The following MMP28 variants were observed in gnomAD, a reference collection of about 807,000 sequenced individuals.
The protein encoded by MMP28 is matrix metallopeptidase 28, also known as matrix metalloproteinase-28.
MMP28 carries 55 observed loss-of-function variants against 60.5 expected under a neutral mutation model. That is an observed-to-expected ratio of 0.91 (90% CI 0.73 to 1.14). MMP28 has a LOEUF of 1.14. Ranked by LOEUF, MMP28 falls within the 50% of genes most tolerant of loss-of-function variation. The probability of loss-of-function intolerance (pLI) is 0.00; values close to 1 mark genes in which losing one functional copy is unlikely to be tolerated. For missense variants in MMP28, 686 were observed against 738.3 expected (o/e 0.93, Z 0.82); for synonymous variants, 318 against 312.5 (o/e 1.02, Z -0.18).
rs1555603361 is a variant in MMP28, at chr17:35,766,675, G to A, written c.1388C>T (p.Pro463Leu). The change falls in exon 8 of 8, where the codon CCT (proline) becomes CTT (leucine). Residue 463 changes from proline to leucine, a missense_variant. Transcript: ENST00000605424. The surrounding 1 kb of genome is among the most constrained non-coding windows in gnomAD (Gnocchi z 4.3). ...CGGCAGGGCGCCGCTGACCTCCTCA[G>A]GGATGCCTCCCCAGTCCTGCAGACT... ...PRSLQDWGGI[P>L]EEVSGALPRP... 6.2e-7 allele frequency: 1 copy of A among 1,609,810 alleles called. No individual in the cohort carries two copies. The highest frequency in any genetic ancestry group is 1.1e-5 in the South Asian group (1 of 90,682).
In MMP28 at chr17:35,795,542, C is replaced by G. The variant is rs576335046; in HGVS notation, c.-165G>C. The G allele has an allele frequency of 1.4e-5, 6 of 427,540 alleles. No individual in the cohort carries two copies. Among genetic ancestry groups the G allele is most frequent in the South Asian group, 1.9e-4 (2 of 10,538 alleles). 26.5% of individuals were successfully genotyped at this position (427,540 alleles called of 1,614,324 possible). On this transcript the variant is annotated 5_prime_UTR_variant, in exon 1 of 8. Transcript: ENST00000605424. Reference sequence around the variant, plus strand: ...CAGTGCCCTAGCTGCGCGCTCTGGGCCGCTCCTCCGCTGCCCTTCGCCGGG... The same window carrying G: ...CAGTGCCCTAGCTGCGCGCTCTGGGGCGCTCCTCCGCTGCCCTTCGCCGGG...
chr17:35,779,380 C>A (rs1555608731), intron 1 of MMP28, 57 bp from the exon 2 acceptor site: 13 of 1,420,718 alleles, frequency 9.2e-6, no homozygotes, highest in African/African-American at 1.4e-5. Flanking sequence ...TCCCTTGGTC[C>A]CCAAGGGCCC....
intron 1 of MMP28, among the ~76,000 whole-genome samples, chr17:35,783,813 T>G (rs2086574234): frequency 6.6e-6 from 1 of 151,928 alleles, no homozygotes; most frequent in Non-Finnish European, 1.5e-5. Flanking sequence ...CAGGGGTCCC[T>G]CAGAGGGGAA....
intron 1 of MMP28, among the ~76,000 whole-genome samples, chr17:35,785,009 C>T (rs904227069): frequency 1.6e-4 from 24 of 152,272 alleles, no homozygotes; most frequent in African/African-American, 5.5e-4. Context: ...TGCCAACATG[C>T]CTTACCCCCT....
intron 1 of MMP28, among the ~76,000 whole-genome samples, chr17:35,780,449 T>G (rs2086465000): frequency 6.6e-6 from 1 of 152,230 alleles, no homozygotes; most frequent in South Asian, 2.1e-4. Flanking sequence ...CTTGACTCTC[T>G]AAAAGATGTA....
chr17:35,783,480 G>A (rs2086564097), intron 1 of MMP28, among the ~76,000 whole-genome samples: 1 of 152,158 alleles, frequency 6.6e-6, no homozygotes, highest in Non-Finnish European at 1.5e-5. Flanking sequence ...CTTTCCTTTG[G>A]GGAGGATGGA....
At chr17:35,791,651 T>C (rs1360941379) in intron 1 of MMP28, among the ~76,000 whole-genome samples, 1 of 152,232 alleles carries the variant, frequency 6.6e-6, no homozygotes, top group Non-Finnish European at 1.5e-5. Context: ...TCATGGTGCT[T>C]ACACCTAAAG....
At chr17:35,764,112 A>T (rs782094631), downstream of MMP28, 187 of 1,550,130 alleles carry the variant, frequency 1.2e-4, no homozygotes, top group Non-Finnish European at 1.6e-4. Context: ...GAGGACAACC[A>T]GAGGCCGCTG....
intron 1 of MMP28, among the ~76,000 whole-genome samples, chr17:35,794,128 T>C (rs2086894413): frequency 6.6e-6 from 1 of 151,462 alleles, no homozygotes; most frequent in Non-Finnish European, 1.5e-5. Context: ...CCTGTTCATA[T>C]CCCTTCTCCT....
intron 1 of MMP28, among the ~76,000 whole-genome samples, chr17:35,790,106 G>GCCCAGGCTGAAGT (rs1196884128): frequency 4.6e-5 from 5 of 109,570 alleles, no homozygotes; most frequent in Non-Finnish European, 8.5e-5. Flanking sequence ...TCGCTCTGTT[G>GCCCAGGCTGAAGT]CCCAGGCTGA....
At chr17:35,772,375 G>A (rs921680474) in intron 4 of MMP28, among the ~76,000 whole-genome samples, 2 of 152,218 alleles carry the variant, frequency 1.3e-5, no homozygotes, top group African/African-American at 4.8e-5. Context: ...ATAAGTGCAT[G>A]TGTGCACTAC....
rs534137341 is a variant in MMP28 at position 35,768,147 on chromosome 17, C to T, written c.1000+83G>A. On this transcript the variant is annotated intron_variant, in intron 6 of 7. Coordinates refer to ENST00000605424, the MANE Select transcript of MMP28 (RefSeq NM_024302.5). The stretch of plus-strand genomic sequence containing the variant: ...GGATTTCTGGCTTTTACAGTCCATC[C>T]CCCCAACTTGTACTGCAGCTCTGGA... The T allele has an allele frequency of 1.3e-5, 19 of 1,488,468 alleles. No individual in the cohort carries two copies. In the South Asian group the frequency reaches 2.1e-4, roughly 17 times the overall value. The allele number at this position is 1,488,468 out of a possible 1,614,324, so 92.2% of individuals were successfully genotyped here. A position where few individuals can be genotyped will look rare whatever the true frequency, so the allele number is the denominator to read the frequency against.
At chr17:35,785,371 A>G (rs940412015) in intron 1 of MMP28, among the ~76,000 whole-genome samples, 1 of 152,138 alleles carries the variant, frequency 6.6e-6, no homozygotes, top group Non-Finnish European at 1.5e-5. Flanking sequence ...TCCTGGTACT[A>G]TGGCTAACTT....
At chr17:35,759,428 G>T (rs781875923) in intron 2 of MMP28, among the ~76,000 whole-genome samples, 1 of 152,294 alleles carries the variant, frequency 6.6e-6, no homozygotes, top group East Asian at 1.9e-4. Flanking sequence ...CTGGCTGGGC[G>T]CAGTGGCTCA....
At chr17:35,774,273 T>C (rs2086259961) in intron 3 of MMP28, among the ~76,000 whole-genome samples, 1 of 152,150 alleles carries the variant, frequency 6.6e-6, no homozygotes, top group Non-Finnish European at 1.5e-5. Flanking sequence ...GATCCCGAGT[T>C]TCTTGTGGGC....
intron 1 of MMP28, among the ~76,000 whole-genome samples, chr17:35,792,765 G>C (rs1340291892): frequency 2.6e-5 from 4 of 152,176 alleles, no homozygotes; most frequent in Admixed American, 2.0e-4. Context: ...CTAAAGTAAT[G>C]ATAAAGGTAA....
intron 1 of MMP28, among the ~76,000 whole-genome samples, chr17:35,794,719 T>A (rs1055387288): frequency 6.6e-6 from 1 of 152,202 alleles, no homozygotes. Flanking sequence ...AAGCCCCGTT[T>A]AAAGCTCCTT....
In MMP28 at chr17:35,795,631, G is replaced by T; in HGVS notation, c.-254C>A. On this transcript the variant is annotated 5_prime_UTR_variant, in exon 1 of 8. Transcript: ENST00000605424. ...CGCGGGTCCGCCGGCCCCGGGGACCGAGGGAGGGAGGAAGGAAAGGCAGGC... is the reference window on the plus strand; with the variant it reads ...CGCGGGTCCGCCGGCCCCGGGGACCTAGGGAGGGAGGAAGGAAAGGCAGGC... 1 of 340,706 alleles carries T rather than the reference G, an allele frequency of 2.9e-6. No individual in the cohort carries two copies. Among genetic ancestry groups the T allele is most frequent in the Non-Finnish European group, 5.3e-6 (1 of 188,822 alleles). The allele number at this position is 340,706 out of a possible 1,614,324, so 21.1% of individuals were successfully genotyped here.
At position 35,773,512 on chromosome 17, in the gene MMP28, G is replaced by A. The variant is rs552306771; in HGVS notation, c.380-108C>T. On this transcript the variant is annotated intron_variant, in intron 3 of 7. Coordinates refer to ENST00000605424, the MANE Select transcript of MMP28 (RefSeq NM_024302.5). ...GTAGGCCCTCCCCCAGCAGCCCCTC[G>A]TCTGACGGGGAAGACACAGTTTTTG... The A allele has an allele frequency of 3.8e-4, 372 of 979,370 alleles. 1 individual carries two copies. The highest frequency in any genetic ancestry group is 1.2e-3 in the Middle Eastern group (4 of 3,338). The allele number at this position is 979,370 out of a possible 1,614,324, so 60.7% of individuals were successfully genotyped here.
Sources: gnomAD v4.1 joint callset for allele counts (sites outside exome capture counted in the v4.1 genomes callset) on GRCh38, gnomAD v4.1.1 for gene constraint, Gnocchi (gnomAD v3.1) non-coding constraint, MANE v1.5 for transcripts, NCBI Gene and HGNC (gene_info 2026-07-23, HGNC 2026-07-21) for gene names.